The following IGSF10 variants were observed in gnomAD, a reference collection of about 807,000 sequenced individuals.
The protein encoded by IGSF10 is immunoglobulin superfamily member 10, also known as calvaria mechanical force protein 608.
In IGSF10, 126 loss-of-function variants were observed where a neutral mutation model predicts 128.2. That is an observed-to-expected ratio of 0.98 (90% CI 0.85 to 1.14). IGSF10 has a LOEUF of 1.14. Ranked by LOEUF, IGSF10 falls within the 50% of genes most tolerant of loss-of-function variation. The probability of loss-of-function intolerance (pLI) is 0.00; values close to 1 mark genes in which losing one functional copy is unlikely to be tolerated. For missense variants in IGSF10, 3,295 were observed against 3,149.8 expected (o/e 1.05, Z -1.10); for synonymous variants, 1,185 against 1,146.2 (o/e 1.03, Z -0.68).
chr3:151,523,295 T>A, the IGSF10 span, among the ~76,000 whole-genome samples: 264 of 152,228 alleles, frequency 1.7e-3, 1 homozygote, highest in African/African-American at 6.1e-3. Context: ...ATGACATTCT[T>A]CACAGAACTA....
the IGSF10 span, among the ~76,000 whole-genome samples, chr3:151,467,917 AAG>A: frequency 6.6e-6 from 1 of 152,100 alleles, no homozygotes; most frequent in Non-Finnish European, 1.5e-5. Flanking sequence ...GAAAAAAAGA[AAG>A]AAAAATGGCT....
the IGSF10 span, among the ~76,000 whole-genome samples, chr3:151,586,922 C>A: frequency 1.3e-5 from 2 of 152,050 alleles, no homozygotes; most frequent in African/African-American, 2.4e-5. Context: ...AAAGGAAATG[C>A]AATAACATGA....
chr3:151,520,022 C>T, the IGSF10 span, among the ~76,000 whole-genome samples: 1 of 151,736 alleles, frequency 6.6e-6, no homozygotes, highest in South Asian at 2.1e-4. Context: ...GTCTTCTAAT[C>T]CAACTTTTGG....
chr3:151,475,376 G>GA, the IGSF10 span, among the ~76,000 whole-genome samples: 1 of 152,174 alleles, frequency 6.6e-6, no homozygotes, highest in Non-Finnish European at 1.5e-5. Context: ...CAAAAGGGGG[G>GA]AAATGTTAAT....
chr3:151,481,108 C>A, the IGSF10 span, among the ~76,000 whole-genome samples: 3 of 152,268 alleles, frequency 2.0e-5, no homozygotes, highest in Admixed American at 1.3e-4. Flanking sequence ...TGCCTGACCC[C>A]CCAGAGATCC....
chr3:151,457,264 A>G lies in IGSF10; in HGVS notation c.195-109T>C, dbSNP rs1401561468. The G allele has an allele frequency of 9.8e-6, 10 of 1,016,716 alleles. No homozygotes were observed. In the Admixed American group the frequency reaches 2.3e-4, roughly 24 times the overall value. The allele number at this position is 1,016,716 out of a possible 1,614,324, so 63.0% of individuals were successfully genotyped here. ...ACTCAATACCTCTCTTTATAACTGT[A>G]CTCTATTGAGACAATCAAATGCTTC... On this transcript the variant is annotated intron_variant, in intron 3 of 7. Transcript: ENST00000282466.
chr3:151,455,391 G>GGATCGGAAAC, intron 4 of IGSF10, among the ~76,000 whole-genome samples: 2 of 152,108 alleles, frequency 1.3e-5, no homozygotes, highest in Non-Finnish European at 2.9e-5. Flanking sequence ...GGGGTTACAG[G>GGATCGGAAAC]TGTGAGCCAC....
Position 151,449,102 on chromosome 3 carries a change from C to T in IGSF10, c.879G>A (p.Leu293=), listed in dbSNP as rs777358926. ...TIDSSLKSKS[L]TILEDSSSAF... ...CAGAACTACTGTCTTCCAGAATAGTCAGGCTCTTTGATTTCAGGGATGAGT... is the reference window on the plus strand; with the variant it reads ...CAGAACTACTGTCTTCCAGAATAGTTAGGCTCTTTGATTTCAGGGATGAGT... The change falls in exon 6 of 8, where the codon CTG becomes CTA. Residue 293 remains leucine (L), a synonymous_variant. Coordinates refer to ENST00000282466, the MANE Select transcript of IGSF10 (RefSeq NM_178822.5). 1.2e-6 allele frequency: 2 copies of T among 1,614,162 alleles called. No homozygotes were observed. Among genetic ancestry groups the T allele is most frequent in the East Asian group, 4.5e-5 (2 of 44,884 alleles).
Position 151,443,547 on chromosome 3 carries a change from C to A in IGSF10, c.5400G>T (p.Thr1800=), listed in dbSNP as rs747618214. The stretch of plus-strand genomic sequence containing the variant: ...TGTGGAGGACCAATGTTCCGTCAAC[C>A]GTCACCACAGCCTGCCTACTTCCCT... ...SSQGSRQAVV[T]VDGTLVLHNL... The change falls in exon 7 of 8, where the codon ACG becomes ACT. Residue 1800 remains threonine, a synonymous_variant. Transcript: ENST00000282466. The A allele has an allele frequency of 6.2e-7, 1 of 1,614,208 alleles. No homozygotes were observed.
chr3:151,485,922 T>C, the IGSF10 span, among the ~76,000 whole-genome samples: 1 of 152,014 alleles, frequency 6.6e-6, no homozygotes, highest in Non-Finnish European at 1.5e-5. Context: ...GCTAGCATCA[T>C]AATGCCAGGA....
chr3:151,467,458 T>C, the IGSF10 span, among the ~76,000 whole-genome samples: 3 of 152,144 alleles, frequency 2.0e-5, no homozygotes, highest in Admixed American at 6.5e-5. Context: ...TCCTGACCTT[T>C]ACCAATTTAT....
chr3:151,434,858 A>G (rs1453030862), downstream of IGSF10: 2 of 152,254 alleles, frequency 1.3e-5, no homozygotes, highest in Non-Finnish European at 2.9e-5. Flanking sequence ...GAGTTAAATT[A>G]TTAATCATTT....
chr3:151,594,163 G>A, the IGSF10 span, among the ~76,000 whole-genome samples: 1 of 151,994 alleles, frequency 6.6e-6, no homozygotes. Flanking sequence ...ACACTCTTTG[G>A]AAGCCTTGTC....
At chr3:151,582,606 C>T in the IGSF10 span, among the ~76,000 whole-genome samples, 1 of 152,004 alleles carries the variant, frequency 6.6e-6, no homozygotes, top group African/African-American at 2.4e-5. Context: ...AGATAGTATG[C>T]CATTGTATGA....
At chr3:151,526,219 T>C in the IGSF10 span, among the ~76,000 whole-genome samples, 2 of 152,188 alleles carry the variant, frequency 1.3e-5, no homozygotes, top group Non-Finnish European at 2.9e-5. Flanking sequence ...TCTCCAGTCT[T>C]GTTATTTTTC....
the IGSF10 span, among the ~76,000 whole-genome samples, chr3:151,538,940 A>G: frequency 1.3e-5 from 2 of 152,188 alleles, no homozygotes; most frequent in African/African-American, 2.4e-5. Context: ...AACACATCCC[A>G]ATAACAATAA....
At chr3:151,606,871 C>T in the IGSF10 span, among the ~76,000 whole-genome samples, 1 of 152,086 alleles carries the variant, frequency 6.6e-6, no homozygotes, top group Non-Finnish European at 1.5e-5. Flanking sequence ...TCTTTTTGTA[C>T]TCTAAAAGCA....
At chr3:151,451,021 C>A (rs898716311) in intron 5 of IGSF10, among the ~76,000 whole-genome samples, 3 of 151,728 alleles carry the variant, frequency 2.0e-5, no homozygotes, top group Admixed American at 1.3e-4. Context: ...CTTAATGAAA[C>A]CTCATCATAG....
intron 5 of IGSF10, 139 bp downstream of exon 5, chr3:151,453,245 A>G: frequency 1.4e-6 from 1 of 714,352 alleles, no homozygotes; most frequent in Non-Finnish European, 2.2e-6. Flanking sequence ...ATGATGTGTA[A>G]ATAATTCATT....
Sources: allele counts gnomAD v4.1 joint callset (sites outside exome capture counted in the v4.1 genomes callset), GRCh38; gene constraint gnomAD v4.1.1; transcripts MANE v1.5; gene names NCBI Gene and HGNC (gene_info 2026-07-23, HGNC 2026-07-21).